The following CDH12 variants were observed in gnomAD, a reference collection of about 807,000 sequenced individuals.
The protein encoded by CDH12 is cadherin 12.
Under a neutral mutation model 74.1 loss-of-function variants are expected in CDH12, and 41 were observed. That is an observed-to-expected ratio of 0.55 (90% confidence interval 0.43 to 0.72). The LOEUF (loss-of-function observed/expected upper bound fraction) is 0.72. Ranked by LOEUF, CDH12 falls within the 30% of genes least tolerant of loss-of-function variation. The probability of loss-of-function intolerance (pLI) is 0.00; values close to 1 mark genes in which losing one functional copy is unlikely to be tolerated. For synonymous variants in CDH12, 399 were observed against 355.0 expected (o/e 1.12, Z -1.39); for missense variants, 945 against 977.2 (o/e 0.97, Z 0.44).
chr5:21,894,382 G>GAAAAAAAAAAAAAAAAA (rs376989106), intron 6 of CDH12, among the ~76,000 whole-genome samples: 5 of 73,440 alleles, frequency 6.8e-5, no homozygotes, highest in African/African-American at 1.3e-4. Flanking sequence ...CCGTCTCAAA[G>GAAAAAAAAAAAAAAAAA]AAAAAAAAAA....
chr5:22,450,477 T>A (rs1267944062), intron 2 of CDH12, among the ~76,000 whole-genome samples: 3 of 152,064 alleles, frequency 2.0e-5, no homozygotes, highest in African/African-American at 7.2e-5. Flanking sequence ...TTTATTCATC[T>A]TTTATCATTC....
At chr5:22,241,964 T>C (rs1454443027) in intron 3 of CDH12, among the ~76,000 whole-genome samples, 2 of 152,128 alleles carry the variant, frequency 1.3e-5, no homozygotes, top group Non-Finnish European at 2.9e-5. Context: ...TGACTATAAT[T>C]ACTACTATCA....
intron 6 of CDH12, among the ~76,000 whole-genome samples, chr5:21,865,948 T>C (rs933227364): frequency 1.3e-5 from 2 of 152,208 alleles, no homozygotes; most frequent in Non-Finnish European, 2.9e-5. Flanking sequence ...AGGGACACCA[T>C]GTGAGATAAT....
At position 22,028,993 on chromosome 5, in the gene CDH12, G is replaced by C. The variant is rs564625965; in HGVS notation, c.231+49453C>G. On this transcript the variant is annotated intron_variant, in intron 5 of 14. Transcript: ENST00000382254. ...GCGATCTGATCTTTGACAAACCTGA[G>C]AAAAACAAGCAATGGGGAAAGGATT... 2.6e-5 allele frequency among the ~76,000 whole-genome samples: 4 copies of C among 152,176 alleles called. No homozygotes were observed. The East Asian group carries it at 7.8e-4, about 30-fold the overall frequency.
At chr5:22,042,992 G>C (rs1221299130) in intron 5 of CDH12, among the ~76,000 whole-genome samples, 1 of 151,106 alleles carries the variant, frequency 6.6e-6, no homozygotes, top group Non-Finnish European at 1.5e-5. Context: ...AGGACCTGAA[G>C]TTTTTCACTG....
At position 22,141,656 on chromosome 5, in the gene CDH12, A is replaced by C. The variant is rs188677868; in HGVS notation, c.-186-62794T>G. ...ATATGAGTAGATCTGCAATTAGAAC[A>C]TGATGGTGGACTTGGCCAAGATGGT... On this transcript the variant is annotated intron_variant, in intron 4 of 14. Coordinates refer to ENST00000382254, the MANE Select transcript of CDH12 (RefSeq NM_004061.5). Among the ~76,000 whole-genome samples the C allele has an allele frequency of 8.1e-3, 1,231 of 152,244 alleles. 22 individuals carry two copies. The highest frequency in any genetic ancestry group is 0.028 in the African/African-American group (1,183 of 41,542).
intron 6 of CDH12, among the ~76,000 whole-genome samples, chr5:21,878,315 CAGA>C (rs1752044661): frequency 6.6e-6 from 1 of 152,144 alleles, no homozygotes; most frequent in Non-Finnish European, 1.5e-5. Flanking sequence ...TTACTCAAAG[CAGA>C]AGTTCACTGT....
chr5:22,720,636 G>A lies in CDH12; in HGVS notation c.-523+132422C>T, dbSNP rs534532133. ...TGTGGGAAGTTTGGAACTTCCTAGG[G>A]TCCTGGAGGACTCAGAAGACAGGAA... On this transcript the variant is annotated intron_variant, in intron 1 of 14. Coordinates refer to ENST00000382254, the MANE Select transcript of CDH12 (RefSeq NM_004061.5). Among the ~76,000 whole-genome samples, 7 of 152,210 alleles carry A rather than the reference G, an allele frequency of 4.6e-5. No homozygotes were observed. The South Asian group carries it at 1.2e-3, about 27-fold the overall frequency.
At chr5:22,620,787 GATAAA>G (rs1737932797) in intron 1 of CDH12, among the ~76,000 whole-genome samples, 1 of 152,052 alleles carries the variant, frequency 6.6e-6, no homozygotes, top group Non-Finnish European at 1.5e-5. Context: ...AAATCACACA[GATAAA>G]ATAAACATCT....
chr5:22,059,586 A>G (rs1034337031), intron 5 of CDH12, among the ~76,000 whole-genome samples: 1 of 152,120 alleles, frequency 6.6e-6, no homozygotes, highest in African/African-American at 2.4e-5. Context: ...TATGGCCTTT[A>G]GTATATCATT....
At chr5:22,680,236 C>T (rs1741422229) in intron 1 of CDH12, among the ~76,000 whole-genome samples, 1 of 152,062 alleles carries the variant, frequency 6.6e-6, no homozygotes, top group Non-Finnish European at 1.5e-5. Context: ...TACTCTTTCT[C>T]TATTACCTTC....
chr5:22,686,206 A>G (rs1237956037), intron 1 of CDH12, among the ~76,000 whole-genome samples: 1 of 151,932 alleles, frequency 6.6e-6, no homozygotes, highest in Non-Finnish European at 1.5e-5. Flanking sequence ...ATAAATATAT[A>G]TATATTTTCA....
At chr5:22,215,315 G>A (rs561755027) in intron 3 of CDH12, among the ~76,000 whole-genome samples, 60 of 151,834 alleles carry the variant, frequency 4.0e-4, no homozygotes, top group Non-Finnish European at 8.1e-4. Context: ...CAACAGAATG[G>A]GAACATTTTC....
chr5:22,658,084 G>C (rs1740146155), intron 1 of CDH12, among the ~76,000 whole-genome samples: 1 of 152,150 alleles, frequency 6.6e-6, no homozygotes, highest in Non-Finnish European at 1.5e-5. Context: ...TGTAGTGATA[G>C]CTTTTGCATA....
chr5:22,126,513 T>C (rs1364655756), intron 4 of CDH12, among the ~76,000 whole-genome samples: 4 of 152,212 alleles, frequency 2.6e-5, no homozygotes, highest in Non-Finnish European at 4.4e-5. Flanking sequence ...GTTGAAATTA[T>C]CAGTTTATCT....
At chr5:22,411,027 G>A (rs534447506) in intron 2 of CDH12, among the ~76,000 whole-genome samples, 98 of 151,860 alleles carry the variant, frequency 6.5e-4, no homozygotes, top group African/African-American at 2.3e-3. Context: ...ATAATTTTGG[G>A]GATAATTGTA....
At chr5:22,033,962 T>C (rs542385364) in intron 5 of CDH12, among the ~76,000 whole-genome samples, 3 of 152,296 alleles carry the variant, frequency 2.0e-5, no homozygotes, top group South Asian at 2.1e-4. Context: ...GTAATGAGTG[T>C]GAATATGTTT....
At chr5:22,432,883 T>G (rs996853999) in intron 2 of CDH12, among the ~76,000 whole-genome samples, 14 of 152,122 alleles carry the variant, frequency 9.2e-5, no homozygotes, top group Admixed American at 2.6e-4. Flanking sequence ...GTCCTTGTAT[T>G]TATAACCTGG....
chr5:22,565,556 T>C (rs1170501345), intron 1 of CDH12, among the ~76,000 whole-genome samples: 1 of 152,216 alleles, frequency 6.6e-6, no homozygotes, highest in Non-Finnish European at 1.5e-5. Flanking sequence ...TGCAATCATT[T>C]GCTGCCCAAC....
Sources: allele counts gnomAD v4.1 joint callset (sites outside exome capture counted in the v4.1 genomes callset), GRCh38; gene constraint gnomAD v4.1.1; transcripts MANE v1.5; gene names NCBI Gene and HGNC (gene_info 2026-07-23, HGNC 2026-07-21).